ANKRD22: variants seen among roughly 807,000 people sequenced by gnomAD.
The protein encoded by ANKRD22 is ankyrin repeat domain 22.
Under a neutral mutation model 25.7 loss-of-function variants are expected in ANKRD22, and 24 were observed. The observed-to-expected ratio is 0.93, with a 90% CI of 0.68 to 1.31. The LOEUF is 1.31. Among genes scored for constraint, ANKRD22 ranks in the 50% most tolerant of loss-of-function variants. ANKRD22 has a pLI of 0.00. For missense variants in ANKRD22, 214 were observed against 227.1 expected, an observed-to-expected ratio of 0.94 and a Z score of 0.37; for synonymous variants, 84 against 84.3, an observed-to-expected ratio of 1.00 and a Z score of 0.02.
chr10:88,833,823 G>C (rs1224814069), intron 1 of ANKRD22, among the ~76,000 whole-genome samples: 1 of 152,150 alleles, frequency 6.6e-6, no homozygotes, highest in East Asian at 1.9e-4. Context: ...CCAACAGTTG[G>C]GCACTTCAGT....
chr10:88,828,372 C>T (rs1843874009), intron 3 of ANKRD22, among the ~76,000 whole-genome samples, 187 bp downstream of exon 3: 1 of 152,172 alleles, frequency 6.6e-6, no homozygotes, highest in South Asian at 2.1e-4. Flanking sequence ...ACTATTTTTG[C>T]TAGCTTTCTT....
At chr10:88,838,867 G>C in intron 1 of ANKRD22, among the ~76,000 whole-genome samples, 1 of 152,152 alleles carries the variant, frequency 6.6e-6, no homozygotes, top group South Asian at 2.1e-4. Context: ...TTTCAGTGAA[G>C]GCACAGAGGA....
In ANKRD22 at chr10:88,846,784, C is replaced by A. The variant is rs140750059; in HGVS notation, c.21+4803G>T. 2.8e-4 allele frequency among the ~76,000 whole-genome samples: 43 copies of A among 152,200 alleles called. 1 individual carries two copies. In the East Asian group the frequency reaches 8.1e-3, roughly 29 times the overall value. On this transcript the variant is annotated intron_variant, in intron 1 of 5. Transcript: ENST00000371930. ...TGATTGCCCACAAGGCCTGTCTCAT[C>A]GGCTGAAGTCAGTGTCTTTCTGAAG...
Position 88,836,899 on chromosome 10 carries a change from T to G in ANKRD22, c.22-4873A>C, listed in dbSNP as rs1454762507. On this transcript the variant is annotated intron_variant, in intron 1 of 5. Coordinates refer to ENST00000371930, the MANE Select transcript of ANKRD22 (RefSeq NM_144590.3). The stretch of plus-strand genomic sequence containing the variant: ...GACAAAGATCATTGAATGTGATCAT[T>G]AGCAGCCATGCAGAGGCCAATTTTC... Among the ~76,000 whole-genome samples the G allele has an allele frequency of 7.2e-5, 11 of 152,194 alleles. 1 individual carries two copies. Among genetic ancestry groups the G allele is most frequent in the Admixed American group, 7.2e-4 (11 of 15,278 alleles).
chr10:88,820,589 G>T lies in ANKRD22; in HGVS notation c.*2352C>A. Reference sequence around the variant, plus strand: ...CAGAATTACGGAGAGCAGAGACCTAGTATACATTTTTCAGATTCCCTGCAC... The same window carrying T: ...CAGAATTACGGAGAGCAGAGACCTATTATACATTTTTCAGATTCCCTGCAC... On this transcript the variant is annotated 3_prime_UTR_variant, in exon 6 of 6. Transcript: ENST00000371930. 3 of 1,296,728 alleles carry T rather than the reference G, an allele frequency of 2.3e-6. No homozygotes were observed. Among genetic ancestry groups the T allele is most frequent in the Non-Finnish European group, 2.1e-6 (2 of 969,312 alleles). 80.3% of individuals were successfully genotyped at this position (1,296,728 alleles called of 1,614,324 possible). A position where few individuals can be genotyped will look rare whatever the true frequency, so the allele number is the denominator to read the frequency against.
chr10:88,837,325 C>A lies in ANKRD22; in HGVS notation c.22-5299G>T, dbSNP rs113728136. Among the ~76,000 whole-genome samples, 912 of 152,262 alleles carry A rather than the reference C, an allele frequency of 6.0e-3. 5 individuals carry two copies. Among genetic ancestry groups the A allele is most frequent in the Middle Eastern group, 0.024 (7 of 294 alleles). On this transcript the variant is annotated intron_variant, in intron 1 of 5. Transcript: ENST00000371930. Reference sequence around the variant, plus strand: ...AAGCACTTAGCTCAGATCTGAGTCACAGTAAACCCTCAATTAATGTTAGCT... The same window carrying A: ...AAGCACTTAGCTCAGATCTGAGTCAAAGTAAACCCTCAATTAATGTTAGCT...
chr10:88,851,791 G>T lies in ANKRD22; in HGVS notation c.-184C>A, dbSNP rs1481614482. 6.4e-6 allele frequency: 4 copies of T among 628,670 alleles called. No individual in the cohort carries two copies. The highest frequency in any genetic ancestry group is 8.6e-6 in the Non-Finnish European group (3 of 350,192). 38.9% of individuals were successfully genotyped at this position (628,670 alleles called of 1,614,324 possible). A position where few individuals can be genotyped will look rare whatever the true frequency, so the allele number is the denominator to read the frequency against. On this transcript the variant is annotated 5_prime_UTR_variant, in exon 1 of 6. The change creates a new upstream start codon in the 5' untranslated region. Coordinates refer to ENST00000371930, the MANE Select transcript of ANKRD22 (RefSeq NM_144590.3). ...TGCTTTTCCAGCAGCTCAGGCAGCA[G>T]CACACCTTCCAGAGAGCCCAGCCCA...
rs1028659209 is a variant in ANKRD22, at chr10:88,822,674, T to C, written c.*267A>G. The C allele has an allele frequency of 7.5e-5, 26 of 346,630 alleles. No individual in the cohort carries two copies. The highest frequency in any genetic ancestry group is 5.7e-4 in the African/African-American group (26 of 45,800). The allele number at this position is 346,630 out of a possible 1,614,324, so 21.5% of individuals were successfully genotyped here. On this transcript the variant is annotated 3_prime_UTR_variant, in exon 6 of 6. Coordinates refer to ENST00000371930, the MANE Select transcript of ANKRD22 (RefSeq NM_144590.3). ...CTGGGATTACAGGCATGTACCACTG[T>C]GCCTAGCTGAAACATCAGTTTCTGA...
intron 3 of ANKRD22, among the ~76,000 whole-genome samples, chr10:88,826,326 GA>G (rs1843855904): frequency 6.6e-6 from 1 of 152,172 alleles, no homozygotes; most frequent in Non-Finnish European, 1.5e-5. Flanking sequence ...TAGCGGCACT[GA>G]CACCTAAGAA....
At chr10:88,842,658 C>T (rs1844013098) in intron 1 of ANKRD22, among the ~76,000 whole-genome samples, 1 of 152,002 alleles carries the variant, frequency 6.6e-6, no homozygotes, top group Non-Finnish European at 1.5e-5. Context: ...ACAAACCTTC[C>T]CAAGCATCTG....
At chr10:88,850,944 G>T (rs1000528665) in intron 1 of ANKRD22, among the ~76,000 whole-genome samples, 2 of 151,956 alleles carry the variant, frequency 1.3e-5, no homozygotes, top group Non-Finnish European at 2.9e-5. Context: ...TACACCTCTT[G>T]TACTCTTGTC....
intron 1 of ANKRD22, among the ~76,000 whole-genome samples, chr10:88,837,254 C>T (rs757382927): frequency 6.6e-6 from 1 of 152,154 alleles, no homozygotes; most frequent in Non-Finnish European, 1.5e-5. Flanking sequence ...GATAATCATG[C>T]CTTCTTTATA....
chr10:88,829,384 C>CT (rs1449919817), intron 2 of ANKRD22, among the ~76,000 whole-genome samples: 2 of 152,122 alleles, frequency 1.3e-5, no homozygotes, highest in Admixed American at 6.5e-5. Flanking sequence ...AATAAGAACA[C>CT]TTTTTGTTTT....
In ANKRD22 at chr10:88,820,723, G is replaced by T. The variant is rs1045300729; in HGVS notation, c.*2218C>A. The stretch of plus-strand genomic sequence containing the variant: ...ATTATATATTCTACCATCTTGAAGG[G>T]TAGGTTTTACCTGATAGCCAGAAAA... On this transcript the variant is annotated 3_prime_UTR_variant, in exon 6 of 6. Coordinates refer to ENST00000371930, the MANE Select transcript of ANKRD22 (RefSeq NM_144590.3). 1.2e-4 allele frequency among the ~76,000 whole-genome samples: 19 copies of T among 152,108 alleles called. No homozygotes were observed. The highest frequency in any genetic ancestry group is 4.1e-4 in the African/African-American group (17 of 41,408).
chr10:88,825,089 G>T (rs1843843842), intron 4 of ANKRD22, among the ~76,000 whole-genome samples: 1 of 148,442 alleles, frequency 6.7e-6, no homozygotes, highest in Non-Finnish European at 1.5e-5. Context: ...AAACCGAAAT[G>T]ATGTAAATAA....
chr10:88,826,790 C>G (rs996704990), intron 3 of ANKRD22, among the ~76,000 whole-genome samples: 6 of 152,208 alleles, frequency 3.9e-5, no homozygotes, highest in Admixed American at 2.0e-4. Context: ...CTGTATCACC[C>G]GCTTTATGGT....
chr10:88,836,541 G>A (rs1564605316), intron 1 of ANKRD22, among the ~76,000 whole-genome samples: 1 of 152,316 alleles, frequency 6.6e-6, no homozygotes, highest in East Asian at 1.9e-4. Flanking sequence ...ATGGCCAAGA[G>A]TCAAATCAAG....
chr10:88,820,182 C>T lies in ANKRD22; in HGVS notation c.*2759G>A, dbSNP rs540802940. On this transcript the variant is annotated 3_prime_UTR_variant, in exon 6 of 6. Coordinates refer to ENST00000371930, the MANE Select transcript of ANKRD22 (RefSeq NM_144590.3). ...GTCTATTTGAAACATAAATTATGAG[C>T]CTGAAAGTCCAAATGTTACCTAGAG... The T allele has an allele frequency of 1.1e-4, 162 of 1,424,958 alleles. 3 individuals carry two copies. Among genetic ancestry groups the T allele is most frequent in the South Asian group, 1.1e-3 (83 of 73,480 alleles). 88.3% of individuals were successfully genotyped at this position (1,424,958 alleles called of 1,614,324 possible).
Position 88,820,644 on chromosome 10 carries a change from A to T in ANKRD22, c.*2297T>A, listed in dbSNP as rs1315635936. The T allele has an allele frequency of 1.0e-5, 8 of 765,614 alleles. No homozygotes were observed. The highest frequency in any genetic ancestry group is 9.1e-5 in the Admixed American group (3 of 32,930). 47.4% of individuals were successfully genotyped at this position (765,614 alleles called of 1,614,324 possible). ...CACTAAATCCGACACTTACATTTAC[A>T]TTTTTTTTCTGTAAATTAAAGTACT... On this transcript the variant is annotated 3_prime_UTR_variant, in exon 6 of 6. Transcript: ENST00000371930.
Sources: gnomAD v4.1 joint callset for allele counts (sites outside exome capture counted in the v4.1 genomes callset) on GRCh38, gnomAD v4.1.1 for gene constraint, MANE v1.5 for transcripts, NCBI Gene and HGNC (gene_info 2026-07-23, HGNC 2026-07-21) for gene names.